The following LRRC74A variants were observed in gnomAD, a reference collection of about 807,000 sequenced individuals.
LRRC74A encodes leucine rich repeat containing 74A.
Under a neutral mutation model 57.9 loss-of-function variants are expected in LRRC74A, and 44 were observed. The observed-to-expected ratio is 0.76, with a 90% CI of 0.60 to 0.98. The LOEUF (loss-of-function observed/expected upper bound fraction) is 0.98, where lower values mean the gene tolerates loss of function less well. Among genes scored for constraint, LRRC74A ranks in the 50% least tolerant of loss-of-function variants. The pLI, the probability that LRRC74A is intolerant of heterozygous loss-of-function variation, is 0.00. For missense variants in LRRC74A, 572 were observed against 574.0 expected (o/e 1.00, Z 0.04); for synonymous variants, 211 against 219.4 (o/e 0.96, Z 0.34).
At chr14:76,845,349 AAAG>A (rs1897051987) in intron 7 of LRRC74A, among the ~76,000 whole-genome samples, 1 of 151,554 alleles carries the variant, frequency 6.6e-6, no homozygotes, top group Non-Finnish European at 1.5e-5. Flanking sequence ...AGAAGAAGGA[AAAG>A]AAGAAGGGGA....
chr14:76,835,815 T>C (rs1296059038), intron 3 of LRRC74A, among the ~76,000 whole-genome samples: 1 of 152,194 alleles, frequency 6.6e-6, no homozygotes, highest in Non-Finnish European at 1.5e-5. Flanking sequence ...GCAAAATCAA[T>C]GCTTTAAAGG....
chr14:76,864,739 A>G (rs12889480), intron 11 of LRRC74A, among the ~76,000 whole-genome samples: 58,562 of 151,928 alleles, frequency 0.39, 11,584 homozygotes, highest in East Asian at 0.56. Context: ...CTGTAATCCC[A>G]GCTACCCGGG....
chr14:76,852,619 C>CTT (rs34074806), intron 8 of LRRC74A, among the ~76,000 whole-genome samples, 169 bp downstream of exon 8: 32,420 of 129,916 alleles, frequency 0.25, 4,869 homozygotes, highest in East Asian at 0.5. Flanking sequence ...CCTGGATGCA[C>CTT]TTTTTTTTTT....
chr14:76,831,144 G>C, intron 2 of LRRC74A, 59 bp from the exon 3 acceptor site: 1 of 1,546,490 alleles, frequency 6.5e-7, no homozygotes, highest in Non-Finnish European at 8.9e-7. Flanking sequence ...ACTGGGGCTA[G>C]AGGGGAGAGA....
At chr14:76,834,824 CT>C (rs1896207878) in intron 3 of LRRC74A, among the ~76,000 whole-genome samples, 1 of 152,188 alleles carries the variant, frequency 6.6e-6, no homozygotes, top group Non-Finnish European at 1.5e-5. Context: ...GGGAGGCCCC[CT>C]GAGCCATCTC....
At chr14:76,837,663 C>A (rs1260110306) in intron 4 of LRRC74A, among the ~76,000 whole-genome samples, 1 of 152,120 alleles carries the variant, frequency 6.6e-6, no homozygotes, top group East Asian at 1.9e-4. Flanking sequence ...CCCACGGGTC[C>A]CACCGGGAGG....
intron 8 of LRRC74A, 64 bp from the exon 9 acceptor site, chr14:76,853,152 C>A (rs1271076076): frequency 1.4e-6 from 2 of 1,468,620 alleles, no homozygotes; most frequent in Non-Finnish European, 1.9e-6. Context: ...GAAATCGGGA[C>A]CCTTTTGGTT....
At chr14:76,836,352 C>G (rs780370848) in intron 4 of LRRC74A, 38 bp downstream of exon 4, 3 of 1,473,054 alleles carry the variant, frequency 2.0e-6, no homozygotes, top group South Asian at 1.2e-5. Flanking sequence ...ACCATCATCC[C>G]TGGGGATTCA....
At chr14:76,834,039 T>C (rs575355587) in intron 3 of LRRC74A, among the ~76,000 whole-genome samples, 6 of 152,342 alleles carry the variant, frequency 3.9e-5, no homozygotes, top group African/African-American at 1.4e-4. Context: ...CCACTTGGCA[T>C]TGAATGGTGT....
chr14:76,860,611 G>C, intron 10 of LRRC74A, 82 bp from the exon 11 acceptor site: 3 of 1,334,810 alleles, frequency 2.2e-6, no homozygotes, highest in Non-Finnish European at 3.0e-6. Flanking sequence ...TTTGGCTTGG[G>C]TGGAAGGGGT....
At chr14:76,847,106 C>T (rs1897159451) in intron 7 of LRRC74A, among the ~76,000 whole-genome samples, 2 of 151,998 alleles carry the variant, frequency 1.3e-5, no homozygotes, top group African/African-American at 4.8e-5. Context: ...ACCAGAAAAG[C>T]GAGGTGGCAG....
intron 5 of LRRC74A, among the ~76,000 whole-genome samples, chr14:76,844,184 G>T (rs780176732): frequency 6.6e-6 from 1 of 152,092 alleles, no homozygotes; most frequent in Non-Finnish European, 1.5e-5. Context: ...AAAATTCTTT[G>T]TAGAGACAAG....
At position 76,856,393 on chromosome 14, in the gene LRRC74A, C is replaced by A. The variant is rs572516052; in HGVS notation, c.958-987C>A. On this transcript the variant is annotated intron_variant, in intron 9 of 13. Transcript: ENST00000689127. Reference sequence around the variant, plus strand: ...CTATTGGCTTGTTTGCCTGTCTCCCCCAATTACAGTGTTAAGTTACCCGAG... The same window carrying A: ...CTATTGGCTTGTTTGCCTGTCTCCCACAATTACAGTGTTAAGTTACCCGAG... Among the ~76,000 whole-genome samples, 9 of 152,352 alleles carry A rather than the reference C, an allele frequency of 5.9e-5. No individual in the cohort carries two copies. In the East Asian group the frequency reaches 1.7e-3, roughly 29 times the overall value.
rs146002741 is a variant in LRRC74A at position 76,856,165 on chromosome 14, G to A, written c.958-1215G>A. Among the ~76,000 whole-genome samples the A allele has an allele frequency of 2.0e-5, 3 of 152,238 alleles. 1 individual carries two copies. The East Asian group carries it at 5.8e-4, about 29-fold the overall frequency. On this transcript the variant is annotated intron_variant, in intron 9 of 13. Transcript: ENST00000689127. ...ATCTCTTGCTGTTTCACACCCCTAT[G>A]CCTTTGCACTTGCCTACTCTTTTCT...
In LRRC74A at chr14:76,860,708, G is replaced by C; in HGVS notation, c.1069G>C (p.Glu357Gln). 1.2e-6 allele frequency: 2 copies of C among 1,610,758 alleles called. No individual in the cohort carries two copies. The highest frequency in any genetic ancestry group is 1.7e-6 in the Non-Finnish European group (2 of 1,178,130). ...CCTGTCACAGAACGTGCTGGTGTCC[G>C]AGCAGTTCATGAAAACGTTGGACGG... ...ELDISNVLVS[E>Q]QFMKTLDGVY... Residue 357 changes from glutamate (E) to glutamine (Q), a missense_variant, in exon 11 of 14, where the codon GAG becomes CAG. Glu to Gln is a conservative substitution (Grantham distance 29). Transcript: ENST00000689127.
chr14:76,844,753 G>T, intron 6 of LRRC74A, 67 bp from the exon 7 acceptor site: 1 of 896,388 alleles, frequency 1.1e-6, no homozygotes, highest in South Asian at 1.4e-5. Flanking sequence ...ATACTGCCCT[G>T]AGATAAGTAA....
intron 11 of LRRC74A, 81 bp downstream of exon 11, chr14:76,860,920 T>A (rs529901870): frequency 3.8e-6 from 5 of 1,304,738 alleles, no homozygotes; most frequent in African/African-American, 1.5e-5. Flanking sequence ...TTTCCAGACT[T>A]CTCCCTCCCC....
intron 2 of LRRC74A, chr14:76,829,021 C>A (rs1485298229): frequency 7.8e-7 from 1 of 1,289,284 alleles, no homozygotes; most frequent in South Asian, 1.2e-5. Flanking sequence ...GCCTGGGTAT[C>A]GGGACTGGCT....
chr14:76,858,030 T>C (rs1898031167), intron 10 of LRRC74A, among the ~76,000 whole-genome samples: 1 of 152,260 alleles, frequency 6.6e-6, no homozygotes, highest in African/African-American at 2.4e-5. Context: ...GATGATAGCC[T>C]ATACTTGTCT....
Sources: gnomAD v4.1 joint callset for allele counts (sites outside exome capture counted in the v4.1 genomes callset) on GRCh38, gnomAD v4.1.1 for gene constraint, MANE v1.5 for transcripts, NCBI Gene and HGNC (gene_info 2026-07-23, HGNC 2026-07-21) for gene names.